DGKB: variants seen among roughly 807,000 people sequenced by gnomAD.
The protein encoded by DGKB is diacylglycerol kinase beta, also known as 90 kDa diacylglycerol kinase.
In DGKB, 67 loss-of-function variants were observed where a neutral mutation model predicts 114.3. The observed-to-expected ratio is 0.59, with a 90% CI of 0.48 to 0.72. DGKB has a LOEUF of 0.72. Among genes scored for constraint, DGKB ranks in the 30% least tolerant of loss-of-function variants. The pLI is 0.00. For synonymous variants in DGKB, 398 were observed against 323.1 expected, an observed-to-expected ratio of 1.23 and a Z score of -2.49; for missense variants, 907 against 975.2, an observed-to-expected ratio of 0.93 and a Z score of 0.93.
At chr7:14,412,997 C>A in intron 21 of DGKB, among the ~76,000 whole-genome samples, 1 of 146,102 alleles carries the variant, frequency 6.8e-6, no homozygotes, top group African/African-American at 2.5e-5. Context: ...AAAAAAAAGT[C>A]AGTGAGATGA....
chr7:14,445,083 C>T (rs973428363), intron 21 of DGKB, among the ~76,000 whole-genome samples: 5 of 151,822 alleles, frequency 3.3e-5, no homozygotes, highest in Admixed American at 2.0e-4. Flanking sequence ...CCACCTCGGT[C>T]ACTTATATAT....
chr7:14,411,516 T>C (rs1824876053), intron 21 of DGKB, among the ~76,000 whole-genome samples: 1 of 152,180 alleles, frequency 6.6e-6, no homozygotes, highest in African/African-American at 2.4e-5. Context: ...TAACAAGTCT[T>C]ATGGTAATCA....
intron 23 of DGKB, among the ~76,000 whole-genome samples, chr7:14,301,901 G>A (rs1312351554): frequency 6.6e-6 from 1 of 152,022 alleles, no homozygotes; most frequent in Non-Finnish European, 1.5e-5. Flanking sequence ...CCAAAGTATG[G>A]GGCTTGGCAA....
rs184242250 is a variant in DGKB at position 14,334,309 on chromosome 7, A to G, written c.2122+4206T>C. ...ATTTTTAAATGTCCATTGCAGATCT[A>G]TAGACTTTCCAGTCAATGCCACAGT... is the stretch of plus-strand genomic sequence containing the variant. On this transcript the variant is annotated intron_variant, in intron 23 of 25. Transcript: ENST00000402815. Among the ~76,000 whole-genome samples, 8 of 151,200 alleles carry G rather than the reference A, an allele frequency of 5.3e-5. No individual in the cohort carries two copies. In the East Asian group the frequency reaches 1.2e-3, roughly 22 times the overall value.
At chr7:14,893,881 A>G (rs537265156) in intron 1 of DGKB, among the ~76,000 whole-genome samples, 8 of 151,284 alleles carry the variant, frequency 5.3e-5, no homozygotes, top group Non-Finnish European at 1.0e-4. Flanking sequence ...TGGTATTATA[A>G]TTTATACATG....
At chr7:14,648,088 A>G (rs950682797) in intron 13 of DGKB, among the ~76,000 whole-genome samples, 6 of 152,338 alleles carry the variant, frequency 3.9e-5, no homozygotes, top group Non-Finnish European at 7.3e-5. Context: ...ACCATTGCCC[A>G]GGCTTGATTA....
chr7:14,736,261 C>A, intron 4 of DGKB, 67 bp from the exon 5 acceptor site: 1 of 1,042,700 alleles, frequency 9.6e-7, no homozygotes. Context: ...GTGCTGTGTT[C>A]AAAATCATTA....
rs1334511403 is a variant in DGKB, at chr7:14,348,547, G to GT, written c.1836-3157dup. Among the ~76,000 whole-genome samples the GT allele has an allele frequency of 9.2e-5, 14 of 151,660 alleles. No homozygotes were observed. The East Asian group carries it at 2.7e-3, about 30-fold the overall frequency. On this transcript the variant is annotated intron_variant, in intron 21 of 25. Coordinates refer to ENST00000402815, the MANE Select transcript of DGKB (RefSeq NM_001350709.2). The stretch of plus-strand genomic sequence containing the variant: ...GACATTAGCGTTTAGAGAAATACAA[G>GT]TTAAAACCACAATGAGATATCACCC...
intron 1 of DGKB, among the ~76,000 whole-genome samples, chr7:14,845,910 A>T (rs570902985): frequency 3.3e-5 from 5 of 152,130 alleles, no homozygotes; most frequent in African/African-American, 1.2e-4. Flanking sequence ...CATTTTGTGA[A>T]TTTTTTAAGT....
At chr7:14,798,092 G>A (rs1841655872) in intron 2 of DGKB, among the ~76,000 whole-genome samples, 1 of 152,110 alleles carries the variant, frequency 6.6e-6, no homozygotes. Context: ...GGGTGGTCTT[G>A]GAAAGAGCAT....
intron 5 of DGKB, among the ~76,000 whole-genome samples, chr7:14,721,116 T>C (rs1829097780): frequency 6.6e-6 from 1 of 152,168 alleles, no homozygotes. Context: ...TTAACTCCTT[T>C]ATAGAAAAAT....
intron 5 of DGKB, among the ~76,000 whole-genome samples, chr7:14,726,417 G>C (rs552427451): frequency 1.6e-4 from 24 of 152,256 alleles, no homozygotes; most frequent in African/African-American, 5.8e-4. Flanking sequence ...ACAGACGTGA[G>C]CCACCGTGCC....
At chr7:14,437,343 CTT>C (rs1829426783) in intron 21 of DGKB, among the ~76,000 whole-genome samples, 1 of 151,994 alleles carries the variant, frequency 6.6e-6, no homozygotes, top group African/African-American at 2.4e-5. Context: ...CATTAAATCT[CTT>C]TGATAATTCT....
chr7:14,904,223 C>T (rs1451593487), upstream of DGKB, among the ~76,000 whole-genome samples: 3 of 151,898 alleles, frequency 2.0e-5, no homozygotes, highest in African/African-American at 7.3e-5. Flanking sequence ...CCTAAATACA[C>T]ACACACACAC....
chr7:14,357,612 G>T (rs1814829221), intron 21 of DGKB, among the ~76,000 whole-genome samples: 1 of 152,142 alleles, frequency 6.6e-6, no homozygotes, highest in Non-Finnish European at 1.5e-5. Flanking sequence ...GGTTAATATT[G>T]TTATGTGTGA....
chr7:14,846,437 G>A (rs759105506), intron 1 of DGKB, among the ~76,000 whole-genome samples: 15 of 152,210 alleles, frequency 9.9e-5, no homozygotes, highest in Non-Finnish European at 1.8e-4. Flanking sequence ...ACAAGCCTAT[G>A]AAAAAAGAAA....
intron 23 of DGKB, among the ~76,000 whole-genome samples, chr7:14,285,985 G>GT (rs1214290466): frequency 1.3e-5 from 2 of 152,054 alleles, no homozygotes; most frequent in African/African-American, 4.8e-5. Context: ...ATCAGTATAG[G>GT]TTTTTGTTGT....
chr7:14,659,706 T>A (rs1816627647), intron 13 of DGKB, among the ~76,000 whole-genome samples: 1 of 147,730 alleles, frequency 6.8e-6, no homozygotes, highest in Non-Finnish European at 1.5e-5. Context: ...CCTCTTTTCC[T>A]AATTGAATAC....
intron 23 of DGKB, among the ~76,000 whole-genome samples, chr7:14,283,990 C>T (rs1261979157): frequency 6.6e-6 from 1 of 152,026 alleles, no homozygotes; most frequent in Non-Finnish European, 1.5e-5. Context: ...AAAGCAATGG[C>T]AACAAAAGAC....
Sources: gnomAD v4.1 joint callset for allele counts (sites outside exome capture counted in the v4.1 genomes callset) on GRCh38, gnomAD v4.1.1 for gene constraint, MANE v1.5 for transcripts, NCBI Gene and HGNC (gene_info 2026-07-23, HGNC 2026-07-21) for gene names.